Variants in CEP290 observed in about 807,000 individuals in gnomAD.
The protein encoded by CEP290 is centrosomal protein 290.
CEP290 carries 317 observed loss-of-function variants against 344.9 expected under a neutral mutation model. The observed-to-expected ratio is 0.92, with a 90% CI of 0.84 to 1.01. The LOEUF is 1.01. Among genes scored for constraint, CEP290 ranks in the 50% least tolerant of loss-of-function variants. The probability of loss-of-function intolerance (pLI) is 0.00; values close to 1 mark genes in which losing one functional copy is unlikely to be tolerated. For synonymous variants in CEP290, 932 were observed against 895.8 expected (o/e 1.04, Z -0.72); for missense variants, 2,754 against 2,761.4 (o/e 1.00, Z 0.06).
chr12:88,080,508 C>A (rs2036124126), intron 37 of CEP290, 113 bp from the exon 38 acceptor site: 2 of 681,018 alleles, frequency 2.9e-6, no homozygotes, highest in Admixed American at 3.1e-5. Flanking sequence ...CGGCTGACTG[C>A]AACCTCTGCC....
At chr12:88,057,973 G>A (rs1272502797) in intron 49 of CEP290, 1 of 152,288 alleles carries the variant, frequency 6.6e-6, no homozygotes, top group African/African-American at 2.4e-5. Context: ...AGATAAAGAT[G>A]AGTATGCCTT....
rs1490450014 is a variant in CEP290 at position 88,121,123 on chromosome 12, T to A, written c.1233A>T (p.Ser411=). 1.9e-6 allele frequency: 3 copies of A among 1,613,378 alleles called. 1 individual carries two copies. The South Asian group carries it at 3.3e-5, about 18-fold the overall frequency. Residue 411 remains serine (S), a synonymous_variant, in exon 14 of 54, where the codon TCA becomes TCT. Coordinates refer to ENST00000552810, the MANE Select transcript of CEP290 (RefSeq NM_025114.4). ...TTTTCTCTTTTAAAATGTCTAACGT[T>A]GACTGAATTTTCATATGAGTCTGTT... ...LSQQTHMKIQ[S]TLDILKEKTK... is the part of the protein sequence containing the mutation.
intron 26 of CEP290, among the ~76,000 whole-genome samples, chr12:88,102,440 G>A (rs540885969): frequency 1.3e-5 from 2 of 152,238 alleles, no homozygotes; most frequent in African/African-American, 4.8e-5. Flanking sequence ...TTTGTTCTGG[G>A]TACAGGGGTA....
At chr12:88,106,550 T>C (rs1345452703) in intron 25 of CEP290, 125 bp downstream of exon 25, 4 of 620,710 alleles carry the variant, frequency 6.4e-6, no homozygotes, top group Non-Finnish European at 7.9e-6. Context: ...GAAGAAGCAA[T>C]TATGACAAAA....
rs1022579876 is a variant in CEP290, at chr12:88,063,874, T to C, written c.6270+107A>G. On this transcript the variant is annotated intron_variant, in intron 45 of 53. Transcript: ENST00000552810. ...TAAAGTATACCATCACCATGATATA[T>C]TAGGAATATGCATTTTTGACTTCTT... 2.4e-5 allele frequency: 21 copies of C among 890,376 alleles called. No homozygotes were observed. In the African/African-American group the frequency reaches 2.9e-4, roughly 12 times the overall value. 55.2% of individuals were successfully genotyped at this position (890,376 alleles called of 1,614,324 possible).
At chr12:88,065,285 A>T (rs574953267) in intron 44 of CEP290, among the ~76,000 whole-genome samples, 1 of 152,126 alleles carries the variant, frequency 6.6e-6, no homozygotes, top group Non-Finnish European at 1.5e-5. Flanking sequence ...AATACCTATT[A>T]TACACAACTT....
At position 88,092,806 on chromosome 12, in the gene CEP290, C is replaced by T. The variant is rs1426235782; in HGVS notation, c.3336G>A (p.Gln1112=). ...AELTKINLDA[Q]KVEQMLRDEL... is the part of the protein sequence containing the mutation. The stretch of plus-strand genomic sequence containing the variant: ...CATCTCTTAACATCTGTTCCACCTT[C>T]TGTGCATCCAAATTGATTTTGGTAA... The change falls in exon 29 of 54, where the codon CAG becomes CAA. Residue 1112 remains glutamine, a synonymous_variant. Transcript: ENST00000552810. 1 of 1,609,606 alleles carries T rather than the reference C, an allele frequency of 6.2e-7. No individual in the cohort carries two copies. Among genetic ancestry groups the T allele is most frequent in the Non-Finnish European group, 8.5e-7 (1 of 1,178,350 alleles).
intron 6 of CEP290, among the ~76,000 whole-genome samples, chr12:88,133,803 A>G (rs2138165236): frequency 6.6e-6 from 1 of 152,328 alleles, no homozygotes; most frequent in Non-Finnish European, 1.5e-5. Flanking sequence ...ATTATTATCA[A>G]TTGAAAGTTA....
intron 22 of CEP290, among the ~76,000 whole-genome samples, chr12:88,109,496 A>G (rs1211666199): frequency 6.6e-6 from 1 of 152,202 alleles, no homozygotes; most frequent in Non-Finnish European, 1.5e-5. Flanking sequence ...ATAATTTCAT[A>G]CCCTCACTCA....
intron 37 of CEP290, 39 bp from the exon 38 acceptor site, chr12:88,080,434 T>C (rs781440873): frequency 3.0e-5 from 45 of 1,487,286 alleles, no homozygotes; most frequent in Admixed American, 5.8e-5. Flanking sequence ...TGTTTTTTAA[T>C]TTTTAATTTT....
chr12:88,098,118 C>A lies in CEP290; in HGVS notation c.2992-1119G>T, dbSNP rs558560893. ...GGTCAGGAGTTCGAGACAAGCCTGGCCAACACAGTACTAAACATAGTGCTA... is the reference window on the plus strand; with the variant it reads ...GGTCAGGAGTTCGAGACAAGCCTGGACAACACAGTACTAAACATAGTGCTA... On this transcript the variant is annotated intron_variant, in intron 26 of 53. Transcript: ENST00000552810. Among the ~76,000 whole-genome samples, 19 of 139,980 alleles carry A rather than the reference C, an allele frequency of 1.4e-4. No individual in the cohort carries two copies. In the East Asian group the frequency reaches 3.9e-3, roughly 29 times the overall value. 91.8% of individuals were successfully genotyped at this position (139,980 alleles called of 152,430 possible). A position where few individuals can be genotyped will look rare whatever the true frequency, so the allele number is the denominator to read the frequency against.
At chr12:88,056,807 G>T (rs1276997431) in intron 49 of CEP290, among the ~76,000 whole-genome samples, 2 of 152,150 alleles carry the variant, frequency 1.3e-5, no homozygotes, top group East Asian at 1.9e-4. Flanking sequence ...TCCCAAAAGA[G>T]ATCTCTCTAA....
chr12:88,056,204 T>A (rs909521529), intron 49 of CEP290, among the ~76,000 whole-genome samples: 2 of 151,722 alleles, frequency 1.3e-5, no homozygotes, highest in Non-Finnish European at 2.9e-5. Flanking sequence ...GGGAGAGGGA[T>A]AAAGCTTGTA....
chr12:88,115,392 A>G (rs2038977312), intron 18 of CEP290: 4 of 866,058 alleles, frequency 4.6e-6, no homozygotes. Context: ...CCCTCTCCCA[A>G]CATCCATGGT....
At chr12:88,059,263 A>G (rs2034265169) in intron 48 of CEP290, among the ~76,000 whole-genome samples, 1 of 152,198 alleles carries the variant, frequency 6.6e-6, no homozygotes, top group Admixed American at 6.5e-5. Context: ...TGATTACTTT[A>G]AATTTGACAC....
chr12:88,080,347 T>C lies in CEP290; in HGVS notation c.5061A>G (p.Val1687=). 6.2e-7 allele frequency: 1 copy of C among 1,613,700 alleles called. No individual in the cohort carries two copies. The highest frequency in any genetic ancestry group is 8.5e-7 in the Non-Finnish European group (1 of 1,179,768). Residue 1687 remains valine (V), a synonymous_variant, in exon 38 of 54, where the codon GTA becomes GTG. Coordinates refer to ENST00000552810, the MANE Select transcript of CEP290 (RefSeq NM_025114.4). ...EDEVKKVKAE[V]EDLKYLLDQS... is the part of the protein sequence containing the mutation. Reference sequence around the variant, plus strand: ...GGTCCAGAAGATACTTTAAATCCTCTACTTCCGCTTTTACTTTTTTCACTT... The same window carrying C: ...GGTCCAGAAGATACTTTAAATCCTCCACTTCCGCTTTTACTTTTTTCACTT...
At chr12:88,081,222 C>A (rs1373248322) in intron 37 of CEP290, among the ~76,000 whole-genome samples, 1 of 152,064 alleles carries the variant, frequency 6.6e-6, no homozygotes, top group Non-Finnish European at 1.5e-5. Flanking sequence ...CAAATGTCCC[C>A]AAGAGGGACA....
intron 52 of CEP290, among the ~76,000 whole-genome samples, chr12:88,051,383 G>A (rs771145489): frequency 3.5e-4 from 53 of 151,892 alleles, no homozygotes; most frequent in Non-Finnish European, 6.6e-4. Flanking sequence ...ATTTTTAGTA[G>A]AGACAGGGTT....
At position 88,115,150 on chromosome 12, in the gene CEP290, T is replaced by C. The variant is rs1413694559; in HGVS notation, c.1857A>G (p.Lys619=). ...NEFLSRELIE[K]ERDLERSRTV... is the part of the protein sequence containing the mutation. Reference sequence around the variant, plus strand: ...TCCTACTCCTTTCTAAATCTCTTTCTTTTTCAATTAGTTCTCTTGAAAGAA... The same window carrying C: ...TCCTACTCCTTTCTAAATCTCTTTCCTTTTCAATTAGTTCTCTTGAAAGAA... The change falls in exon 19 of 54, where the codon AAA becomes AAG. Residue 619 remains lysine, a synonymous_variant. Coordinates refer to ENST00000552810, the MANE Select transcript of CEP290 (RefSeq NM_025114.4). 1 of 1,497,420 alleles carries C rather than the reference T, an allele frequency of 6.7e-7. No individual in the cohort carries two copies. Among genetic ancestry groups the C allele is most frequent in the Non-Finnish European group, 9.1e-7 (1 of 1,096,196 alleles). 92.8% of individuals were successfully genotyped at this position (1,497,420 alleles called of 1,614,324 possible). A position where few individuals can be genotyped will look rare whatever the true frequency, so the allele number is the denominator to read the frequency against.
Sources: allele counts gnomAD v4.1 joint callset (sites outside exome capture counted in the v4.1 genomes callset), GRCh38; gene constraint gnomAD v4.1.1; transcripts MANE v1.5; gene names NCBI Gene and HGNC (gene_info 2026-07-23, HGNC 2026-07-21).